RABGAP1: variants seen among roughly 807,000 people sequenced by gnomAD.
The protein encoded by RABGAP1 is RAB GTPase activating protein 1, also known as rab GTPase-activating protein 1.
Under a neutral mutation model 137.6 loss-of-function variants are expected in RABGAP1, and 23 were observed. That is an observed-to-expected ratio of 0.17 (90% CI 0.12 to 0.24). The LOEUF (loss-of-function observed/expected upper bound fraction) is 0.24, where lower values mean the gene tolerates loss of function less well. Ranked by LOEUF, RABGAP1 falls within the 10% of genes least tolerant of loss-of-function variation. The pLI, the probability that RABGAP1 is intolerant of heterozygous loss-of-function variation, is 1.00. For missense variants in RABGAP1, 906 were observed against 1,275.8 expected, an observed-to-expected ratio of 0.71 and a Z score of 4.42; for synonymous variants, 451 against 450.7, an observed-to-expected ratio of 1.00 and a Z score of -0.01.
chr9:122,949,139 G>T (rs1238468719), intron 1 of RABGAP1, among the ~76,000 whole-genome samples: 3 of 152,208 alleles, frequency 2.0e-5, no homozygotes, highest in Admixed American at 2.0e-4. Context: ...ACTTGGGGAG[G>T]CTGAGGCAGG....
At chr9:123,034,511 A>G in intron 13 of RABGAP1, 1 of 1,106,948 alleles carries the variant, frequency 9.0e-7, no homozygotes, top group South Asian at 1.5e-5. Flanking sequence ...GCTTCTTTGA[A>G]CTGTTGGCAG....
intron 2 of RABGAP1, among the ~76,000 whole-genome samples, chr9:122,961,020 A>C (rs1474242654): frequency 6.6e-6 from 1 of 152,182 alleles, no homozygotes; most frequent in Non-Finnish European, 1.5e-5. Context: ...GGCTCAGAAA[A>C]ATATGGGAAA....
chr9:123,014,658 A>ATTTTTTTTTTTTTTTTTTTTTTTTTTTTT (rs10560935), intron 11 of RABGAP1, among the ~76,000 whole-genome samples: 1 of 107,270 alleles, frequency 9.3e-6, no homozygotes, highest in Non-Finnish European at 1.9e-5. Context: ...AAGAGGTTTA[A>ATTTTTTTTTTTTTTTTTTTTTTTTTTTTT]TTTTTTTTTT....
At chr9:123,035,311 C>A in intron 13 of RABGAP1, 1 of 1,614,132 alleles carries the variant, frequency 6.2e-7, no homozygotes, top group Non-Finnish European at 8.5e-7. Context: ...TCCTGATAAG[C>A]GCTATGCCAT....
chr9:123,085,755 A>T (rs544673612), intron 19 of RABGAP1, among the ~76,000 whole-genome samples: 1 of 152,312 alleles, frequency 6.6e-6, no homozygotes, highest in East Asian at 1.9e-4. Context: ...TATTGTGTGA[A>T]ACGCGTTAGG....
chr9:122,950,207 C>T (rs1336344783), intron 1 of RABGAP1, among the ~76,000 whole-genome samples: 5 of 151,572 alleles, frequency 3.3e-5, no homozygotes, highest in Non-Finnish European at 5.9e-5. Flanking sequence ...CTTGTTATAG[C>T]CAGGTTGAAA....
intron 6 of RABGAP1, among the ~76,000 whole-genome samples, chr9:122,993,085 T>C (rs1318222797): frequency 6.6e-6 from 1 of 152,016 alleles, no homozygotes; most frequent in Non-Finnish European, 1.5e-5. Flanking sequence ...ATTTTAAAAG[T>C]AGAAATTAAG....
At chr9:123,031,093 A>C (rs1336750143) in intron 13 of RABGAP1, among the ~76,000 whole-genome samples, 5 of 152,184 alleles carry the variant, frequency 3.3e-5, no homozygotes, top group Non-Finnish European at 5.9e-5. Context: ...AATTTTATAA[A>C]TTTTGAATTC....
intron 19 of RABGAP1, among the ~76,000 whole-genome samples, chr9:123,081,247 T>C (rs1209460001): frequency 6.6e-6 from 1 of 152,230 alleles, no homozygotes; most frequent in African/African-American, 2.4e-5. Flanking sequence ...TGGTAAATAG[T>C]AAGCCATTAG....
chr9:123,065,800 G>C lies in RABGAP1; in HGVS notation c.1908+339G>C, dbSNP rs74867637. On this transcript the variant is annotated intron_variant, in intron 14 of 25. Coordinates refer to ENST00000373647, the MANE Select transcript of RABGAP1 (RefSeq NM_012197.4). ...CTCCTTTTCAGTATTCACTTTATAA[G>C]TGATGAACTTGGCACCTACGGTACG... Among the ~76,000 whole-genome samples, 210 of 152,308 alleles carry C rather than the reference G, an allele frequency of 1.4e-3. 3 individuals are homozygous for C. The East Asian group carries it at 0.034, about 25-fold the overall frequency.
chr9:123,076,545 A>C, intron 18 of RABGAP1, 89 bp from the exon 19 acceptor site: 1 of 1,395,062 alleles, frequency 7.2e-7, no homozygotes, highest in South Asian at 1.5e-5. Context: ...GGATTGTAAA[A>C]GTGCTGAAAA....
chr9:123,089,618 C>A lies in RABGAP1; in HGVS notation c.2425-140C>A, dbSNP rs2034976807. 10 of 645,644 alleles carry A rather than the reference C, an allele frequency of 1.5e-5. No homozygotes were observed. The South Asian group carries it at 1.7e-4, about 11-fold the overall frequency. 40.0% of individuals were successfully genotyped at this position (645,644 alleles called of 1,614,324 possible). A position where few individuals can be genotyped will look rare whatever the true frequency, so the allele number is the denominator to read the frequency against. Reference sequence around the variant, plus strand: ...GGCTTATACCCTACTCTGATGATTTCCCTCCAAAAAAATAGGAAATACCAC... The same window carrying A: ...GGCTTATACCCTACTCTGATGATTTACCTCCAAAAAAATAGGAAATACCAC... On this transcript the variant is annotated intron_variant, in intron 19 of 25. Coordinates refer to ENST00000373647, the MANE Select transcript of RABGAP1 (RefSeq NM_012197.4).
chr9:123,085,497 A>G (rs770742033), intron 19 of RABGAP1, among the ~76,000 whole-genome samples: 1 of 152,212 alleles, frequency 6.6e-6, no homozygotes, highest in Non-Finnish European at 1.5e-5. Context: ...TTCCCCCAAC[A>G]AAGTATATTT....
intron 13 of RABGAP1, among the ~76,000 whole-genome samples, chr9:123,056,462 A>G (rs2033698019): frequency 6.6e-6 from 1 of 151,076 alleles, no homozygotes; most frequent in African/African-American, 2.4e-5. Context: ...AAAAACAAGG[A>G]TTATGCTGTT....
At chr9:122,962,705 TAA>T (rs1221126284) in intron 2 of RABGAP1, among the ~76,000 whole-genome samples, 1 of 152,040 alleles carries the variant, frequency 6.6e-6, no homozygotes, top group African/African-American at 2.4e-5. Flanking sequence ...CTAAAAATGA[TAA>T]AGTTGGCACT....
chr9:122,965,986 C>G (rs1011123840), intron 2 of RABGAP1, among the ~76,000 whole-genome samples: 2 of 152,014 alleles, frequency 1.3e-5, no homozygotes, highest in Admixed American at 1.3e-4. Context: ...AGATTTTGGC[C>G]TGAGCTGTTT....
chr9:123,039,016 T>G (rs1374023470), intron 13 of RABGAP1, among the ~76,000 whole-genome samples: 1 of 152,170 alleles, frequency 6.6e-6, no homozygotes, highest in Non-Finnish European at 1.5e-5. Flanking sequence ...TAGGGTTAGT[T>G]TGGGGCTTGC....
intron 13 of RABGAP1, among the ~76,000 whole-genome samples, chr9:123,046,271 G>T (rs1016057242): frequency 1.8e-4 from 27 of 152,198 alleles, no homozygotes; most frequent in African/African-American, 5.3e-4. Flanking sequence ...ACTTCAGGAG[G>T]TGGAAAGGAA....
At chr9:123,085,364 C>G (rs965583503) in intron 19 of RABGAP1, among the ~76,000 whole-genome samples, 2 of 152,144 alleles carry the variant, frequency 1.3e-5, no homozygotes, top group African/African-American at 4.8e-5. Context: ...CCATGGCTCT[C>G]AGGAGACTTT....
Sources: gnomAD v4.1 joint callset for allele counts (sites outside exome capture counted in the v4.1 genomes callset) on GRCh38, gnomAD v4.1.1 for gene constraint, MANE v1.5 for transcripts, NCBI Gene and HGNC (gene_info 2026-07-23, HGNC 2026-07-21) for gene names.